FBLN5: variants seen among roughly 807,000 people sequenced by gnomAD.
FBLN5 encodes fibulin-5.
Under a neutral mutation model 61.6 loss-of-function variants are expected in FBLN5, and 24 were observed. The observed-to-expected ratio is 0.39, with a 90% CI of 0.28 to 0.55. The LOEUF is 0.55. Ranked by LOEUF, FBLN5 falls within the 20% of genes least tolerant of loss-of-function variation. The pLI is 0.65. For missense variants in FBLN5, 470 were observed against 594.1 expected, an observed-to-expected ratio of 0.79 and a Z score of 2.17; for synonymous variants, 213 against 219.8, an observed-to-expected ratio of 0.97 and a Z score of 0.27.
At chr14:91,875,125 C>T (rs1889109674) in intron 10 of FBLN5, among the ~76,000 whole-genome samples, 1 of 152,132 alleles carries the variant, frequency 6.6e-6, no homozygotes, top group Non-Finnish European at 1.5e-5. Context: ...CCCCTGTGCC[C>T]AACTCTACAT....
intron 6 of FBLN5, among the ~76,000 whole-genome samples, chr14:91,888,278 G>A (rs10150872): frequency 0.011 from 1,649 of 151,198 alleles, 42 homozygotes; most frequent in African/African-American, 0.038. Flanking sequence ...CAGCCTGGGT[G>A]ACAGAGTGAG....
intron 4 of FBLN5, among the ~76,000 whole-genome samples, chr14:91,899,332 A>G (rs1890362249): frequency 6.6e-6 from 1 of 152,234 alleles, no homozygotes; most frequent in Non-Finnish European, 1.5e-5. Context: ...TGCCACAGCA[A>G]CCATAGCTTG....
Position 91,943,066 on chromosome 14 carries a change from C to T in FBLN5, c.18-105G>A. 2 of 788,662 alleles carry T rather than the reference C, an allele frequency of 2.5e-6. No individual in the cohort carries two copies. Among genetic ancestry groups the T allele is most frequent in the South Asian group, 2.9e-5 (2 of 68,636 alleles). The allele number at this position is 788,662 out of a possible 1,614,324, so 48.9% of individuals were successfully genotyped here. Reference sequence around the variant, plus strand: ...CGTGTAACGGTGATATCACCTTGGGCTTGTATGGGGTGGGGTGTGCTCCAG... The same window carrying T: ...CGTGTAACGGTGATATCACCTTGGGTTTGTATGGGGTGGGGTGTGCTCCAG... On this transcript the variant is annotated intron_variant, in intron 1 of 10. Transcript: ENST00000342058. The surrounding 1 kb of genome is among the most constrained non-coding windows in gnomAD (Gnocchi z 4.0).
chr14:91,942,159 CAG>C (rs2056115533), intron 2 of FBLN5: 1 of 455,946 alleles, frequency 2.2e-6, no homozygotes, highest in African/African-American at 2.0e-5. Context: ...GGCTGACACA[CAG>C]GGGTCCATCT....
intron 7 of FBLN5, 68 bp downstream of exon 7, chr14:91,887,124 GC>G: frequency 6.4e-7 from 1 of 1,553,256 alleles, no homozygotes; most frequent in Non-Finnish European, 8.9e-7. Flanking sequence ...TATGAAGGAA[GC>G]CCTTGCCCTT....
intron 5 of FBLN5, among the ~76,000 whole-genome samples, chr14:91,892,794 C>T (rs2139978498): frequency 6.6e-6 from 1 of 152,304 alleles, no homozygotes; most frequent in Non-Finnish European, 1.5e-5. Context: ...CAGTGGTACA[C>T]AGAACAGACA....
intron 6 of FBLN5, among the ~76,000 whole-genome samples, chr14:91,890,694 TACC>T (rs748089767): frequency 2.0e-5 from 3 of 152,210 alleles, no homozygotes; most frequent in Non-Finnish European, 2.9e-5. Context: ...CAGGGGATGT[TACC>T]ACCACCACCA....
At chr14:91,912,970 A>G (rs1420075400) in intron 4 of FBLN5, among the ~76,000 whole-genome samples, 1 of 152,174 alleles carries the variant, frequency 6.6e-6, no homozygotes, top group African/African-American at 2.4e-5. Context: ...CATTCATTTA[A>G]CCAATATGTA....
intron 7 of FBLN5, among the ~76,000 whole-genome samples, chr14:91,885,223 G>A (rs891563091): frequency 2.0e-5 from 3 of 152,248 alleles, no homozygotes; most frequent in Admixed American, 6.5e-5. Context: ...AAGTCTTCAG[G>A]AGGGTGTGCA....
chr14:91,908,447 T>G (rs972153907), intron 4 of FBLN5, among the ~76,000 whole-genome samples: 1 of 152,216 alleles, frequency 6.6e-6, no homozygotes, highest in Admixed American at 6.5e-5. Flanking sequence ...GTTTGGGGAC[T>G]TCTCAAAGGT....
At chr14:91,919,486 G>A (rs1339103635) in intron 4 of FBLN5, among the ~76,000 whole-genome samples, 3 of 152,070 alleles carry the variant, frequency 2.0e-5, no homozygotes, top group African/African-American at 7.2e-5. Context: ...GAAGAGGGCT[G>A]TGTCCTGTGT....
chr14:91,884,828 C>T (rs956998818), intron 7 of FBLN5, among the ~76,000 whole-genome samples: 2 of 152,238 alleles, frequency 1.3e-5, no homozygotes, highest in Non-Finnish European at 2.9e-5. Context: ...CTGTAACAGA[C>T]CCTACTCGGT....
intron 4 of FBLN5, among the ~76,000 whole-genome samples, chr14:91,910,818 G>C (rs1890889166): frequency 6.6e-6 from 1 of 152,080 alleles, no homozygotes; most frequent in South Asian, 2.1e-4. Flanking sequence ...TGAAGGTAGA[G>C]AAGGGGAGGC....
At chr14:91,912,576 C>T (rs1890996294) in intron 4 of FBLN5, among the ~76,000 whole-genome samples, 3 of 152,014 alleles carry the variant, frequency 2.0e-5, no homozygotes, top group African/African-American at 4.8e-5. Flanking sequence ...ACCCAGGAGG[C>T]GGAGGTTGCA....
rs563917823 is a variant in FBLN5, at chr14:91,875,686, C to T, written c.1185+1801G>A. The stretch of plus-strand genomic sequence containing the variant: ...CTACCACCTGCTCCTCCCCTGCCAG[C>T]CCTGGAGGAGCCAGGGCCAGCACTA... On this transcript the variant is annotated intron_variant, in intron 10 of 10. Transcript: ENST00000342058. 9.1e-4 allele frequency among the ~76,000 whole-genome samples: 139 copies of T among 152,328 alleles called. 1 individual carries two copies. The highest frequency in any genetic ancestry group is 2.2e-3 in the Admixed American group (33 of 15,298).
intron 4 of FBLN5, among the ~76,000 whole-genome samples, chr14:91,917,197 G>GA (rs1253651365): frequency 3.3e-5 from 5 of 152,082 alleles, no homozygotes; most frequent in Non-Finnish European, 7.4e-5. Context: ...TGGAGAGAGA[G>GA]AAAAAAATGA....
At chr14:91,914,566 T>A (rs1303586353) in intron 4 of FBLN5, among the ~76,000 whole-genome samples, 2 of 144,878 alleles carry the variant, frequency 1.4e-5, no homozygotes, top group Non-Finnish European at 3.0e-5. Context: ...GCCCAGGAGA[T>A]CAAAGCTGCA....
At chr14:91,927,347 G>A (rs1022112349) in intron 4 of FBLN5, among the ~76,000 whole-genome samples, 3 of 152,162 alleles carry the variant, frequency 2.0e-5, no homozygotes, top group African/African-American at 7.2e-5. Context: ...GGGGGTGTGA[G>A]CTGCAGATGC....
At chr14:91,891,037 G>A (rs1889970675) in intron 6 of FBLN5, among the ~76,000 whole-genome samples, 184 bp downstream of exon 6, 1 of 152,208 alleles carries the variant, frequency 6.6e-6, no homozygotes, top group Non-Finnish European at 1.5e-5. Flanking sequence ...AGCACTTTTT[G>A]AGATGCTTCG....
Sources: gnomAD v4.1 joint callset for allele counts (sites outside exome capture counted in the v4.1 genomes callset) on GRCh38, gnomAD v4.1.1 for gene constraint, Gnocchi (gnomAD v3.1) non-coding constraint, MANE v1.5 for transcripts, NCBI Gene and HGNC (gene_info 2026-07-23, HGNC 2026-07-21) for gene names.